The following KALRN variants were observed in gnomAD, a reference collection of about 807,000 sequenced individuals.
The protein encoded by KALRN is kalirin RhoGEF kinase, also known as kalirin.
KALRN carries 70 observed loss-of-function variants against 353.7 expected under a neutral mutation model. That is an observed-to-expected ratio of 0.20 (90% confidence interval 0.16 to 0.24). The LOEUF (loss-of-function observed/expected upper bound fraction) is 0.24. KALRN is among the 10% of genes least tolerant of loss of function. The pLI, the probability that KALRN is intolerant of heterozygous loss-of-function variation, is 1.00. For synonymous variants in KALRN, 1,391 were observed against 1,434.8 expected, an observed-to-expected ratio of 0.97 and a Z score of 0.69; for missense variants, 2,791 against 3,756.7, an observed-to-expected ratio of 0.74 and a Z score of 6.72.
Position 124,479,823 on chromosome 3 carries a change from A to T in KALRN, c.4191+2489A>T, listed in dbSNP as rs189543482. Among the ~76,000 whole-genome samples, 27 of 145,320 alleles carry T rather than the reference A, an allele frequency of 1.9e-4. No homozygotes were observed. In the East Asian group the frequency reaches 5.1e-3, roughly 28 times the overall value. On this transcript the variant is annotated intron_variant, in intron 27 of 59. Coordinates refer to ENST00000682506, the MANE Select transcript of KALRN (RefSeq NM_001388419.1). Reference sequence around the variant, plus strand: ...ACTGCAAGCTCCGCCTCCTGGGTTCACGCCATTCTCCCTCCTCAGCCTCCC... The same window carrying T: ...ACTGCAAGCTCCGCCTCCTGGGTTCTCGCCATTCTCCCTCCTCAGCCTCCC...
chr3:124,174,412 C>A (rs987901786), intron 1 of KALRN, among the ~76,000 whole-genome samples: 7 of 151,926 alleles, frequency 4.6e-5, no homozygotes, highest in Non-Finnish European at 1.0e-4. Context: ...CCAGCCTGGG[C>A]GACAGAGCAA....
At chr3:124,531,069 T>A (rs534555468) in intron 33 of KALRN, among the ~76,000 whole-genome samples, 16 of 152,206 alleles carry the variant, frequency 1.1e-4, no homozygotes, top group Non-Finnish European at 1.8e-4. Flanking sequence ...ACTTCTAAAG[T>A]TGCCAGTTAC....
intron 6 of KALRN, among the ~76,000 whole-genome samples, chr3:124,313,735 A>G (rs2078519686): frequency 6.6e-6 from 1 of 152,188 alleles, no homozygotes; most frequent in Admixed American, 6.5e-5. Flanking sequence ...ATTTAACCGT[A>G]CTGTGGTGAC....
intron 25 of KALRN, among the ~76,000 whole-genome samples, chr3:124,464,753 C>G (rs1461475329): frequency 2.0e-5 from 3 of 150,532 alleles, no homozygotes; most frequent in African/African-American, 7.4e-5. Context: ...TGTAAGCCCA[C>G]AGCTATTTAG....
chr3:124,149,430 C>G (rs1411402630), intron 1 of KALRN, among the ~76,000 whole-genome samples: 1 of 152,202 alleles, frequency 6.6e-6, no homozygotes, highest in African/African-American at 2.4e-5. Flanking sequence ...CTGTCCTTTC[C>G]TTTGACTGTG....
chr3:124,076,510 G>A (rs1396503475), intron 1 of KALRN, among the ~76,000 whole-genome samples: 1 of 152,188 alleles, frequency 6.6e-6, no homozygotes, highest in Non-Finnish European at 1.5e-5. Flanking sequence ...ACCTTCATCC[G>A]CTGTAGCAAG....
intron 4 of KALRN, among the ~76,000 whole-genome samples, chr3:124,265,298 CTTT>C (rs3054177): frequency 0.01 from 737 of 73,118 alleles, 98 homozygotes; most frequent in African/African-American, 0.036. Flanking sequence ...AGAAAATATT[CTTT>C]TTTTTTTTTT....
chr3:124,504,970 TGC>T (rs765199824), intron 33 of KALRN: 2 of 496,150 alleles, frequency 4.0e-6, no homozygotes, highest in African/African-American at 3.9e-5. Context: ...CTTGCAGTTC[TGC>T]CAGGGGAAGG....
chr3:124,281,175 C>A (rs1404768110), intron 5 of KALRN, among the ~76,000 whole-genome samples: 1 of 152,160 alleles, frequency 6.6e-6, no homozygotes, highest in Non-Finnish European at 1.5e-5. Flanking sequence ...CCTTTGAAAT[C>A]CCACTCTTGG....
intron 1 of KALRN, among the ~76,000 whole-genome samples, chr3:124,150,561 A>T (rs1030349389): frequency 6.6e-6 from 1 of 152,172 alleles, no homozygotes; most frequent in Non-Finnish European, 1.5e-5. Flanking sequence ...TCTCATTTTG[A>T]AGAGAATAAT....
intron 47 of KALRN, among the ~76,000 whole-genome samples, chr3:124,668,032 C>T (rs1181331802): frequency 7.1e-6 from 1 of 141,072 alleles, no homozygotes; most frequent in Non-Finnish European, 1.5e-5. Context: ...ACACATATGC[C>T]TGTATATCGA....
At chr3:124,107,931 T>C (rs1324809733) in intron 1 of KALRN, among the ~76,000 whole-genome samples, 1 of 152,228 alleles carries the variant, frequency 6.6e-6, no homozygotes, top group Non-Finnish European at 1.5e-5. Context: ...TTTGGCAAGC[T>C]TTCTGAACCT....
intron 34 of KALRN, among the ~76,000 whole-genome samples, chr3:124,597,149 AT>A (rs1195043713): frequency 3.3e-5 from 5 of 152,244 alleles, no homozygotes; most frequent in Non-Finnish European, 7.3e-5. Context: ...AGATGGTTTC[AT>A]TAATTCCTTA....
intron 2 of KALRN, among the ~76,000 whole-genome samples, chr3:124,229,105 A>G (rs73186288): frequency 0.05 from 7,672 of 152,230 alleles, 306 homozygotes; most frequent in East Asian, 0.18. Context: ...TTTGTGGGCT[A>G]TTATTCAACC....
intron 14 of KALRN, among the ~76,000 whole-genome samples, chr3:124,421,198 C>G (rs919328340): frequency 1.3e-4 from 20 of 152,126 alleles, no homozygotes; most frequent in African/African-American, 4.6e-4. Flanking sequence ...GCAAGTAGTT[C>G]AGAGTTAGGA....
At chr3:124,096,088 G>A (rs1198997782) in intron 1 of KALRN, 1 of 151,898 alleles carries the variant, frequency 6.6e-6, no homozygotes, top group East Asian at 1.9e-4. Context: ...AGGGCGTTAA[G>A]AAGGGCATCA....
At chr3:124,044,154 A>G (rs1038818765) in intron 1 of KALRN, among the ~76,000 whole-genome samples, 10 of 152,086 alleles carry the variant, frequency 6.6e-5, no homozygotes, top group Admixed American at 2.6e-4. Flanking sequence ...CTTGGACCCA[A>G]ACACTCCTTC....
chr3:124,249,868 G>T (rs960686493), intron 3 of KALRN, among the ~76,000 whole-genome samples: 3 of 152,116 alleles, frequency 2.0e-5, no homozygotes, highest in African/African-American at 7.2e-5. Context: ...GTAATTCCCA[G>T]GTTCCCACTA....
chr3:124,681,929 C>G (rs2061359792), intron 51 of KALRN, among the ~76,000 whole-genome samples: 1 of 152,190 alleles, frequency 6.6e-6, no homozygotes, highest in African/African-American at 2.4e-5. Flanking sequence ...TGCACCTGGC[C>G]TAAACTTCAG....
Sources: allele counts gnomAD v4.1 joint callset (sites outside exome capture counted in the v4.1 genomes callset), GRCh38; gene constraint gnomAD v4.1.1; transcripts MANE v1.5; gene names NCBI Gene and HGNC (gene_info 2026-07-23, HGNC 2026-07-21).